DNAH6: variants seen among roughly 807,000 people sequenced by gnomAD.
DNAH6 encodes the protein axonemal beta dynein heavy chain 6.
Under a neutral mutation model 491.4 loss-of-function variants are expected in DNAH6, and 340 were observed. The observed-to-expected ratio is 0.69, with a 90% CI of 0.63 to 0.76. DNAH6 has a LOEUF of 0.76. DNAH6 is among the 30% of genes least tolerant of loss of function. The pLI is 0.00. For synonymous variants in DNAH6, 1,603 were observed against 1,686.1 expected (o/e 0.95, Z 1.21); for missense variants, 4,443 against 4,972.2 (o/e 0.89, Z 3.20).
Position 84,797,634 on chromosome 2 carries a change from T to C in DNAH6, c.11457T>C (p.His3819=). The part of the protein sequence containing the change: ...LIDDPEIFGM[H]ENANLVFQYK... ...ATGACCCAGAAATTTTTGGAATGCA[T>C]GAAAATGCTAATCTAGTCTTCCAGG... The change falls in exon 70 of 77, where the codon CAT becomes CAC. Residue 3819 remains histidine (H), a synonymous_variant. Transcript: ENST00000389394. The C allele has an allele frequency of 1.9e-6, 3 of 1,551,416 alleles. No individual in the cohort carries two copies. Among genetic ancestry groups the C allele is most frequent in the Non-Finnish European group, 1.7e-6 (2 of 1,146,736 alleles).
At chr2:84,619,941 CTTTG>C (rs1296954841) in intron 24 of DNAH6, 37 bp downstream of exon 24, 1 of 1,485,160 alleles carries the variant, frequency 6.7e-7, no homozygotes, top group Non-Finnish European at 9.2e-7. Context: ...TATTGATGAA[CTTTG>C]CTACTCCTCT....
intron 11 of DNAH6, among the ~76,000 whole-genome samples, chr2:84,568,574 G>A (rs1681461727): frequency 6.6e-6 from 1 of 152,126 alleles, no homozygotes; most frequent in African/African-American, 2.4e-5. Flanking sequence ...GGTCTGTGGG[G>A]AGGGAGAACA....
intron 23 of DNAH6, among the ~76,000 whole-genome samples, chr2:84,617,870 T>C (rs578151535): frequency 6.6e-6 from 1 of 152,214 alleles, no homozygotes; most frequent in South Asian, 2.1e-4. Context: ...GCACCTTTAG[T>C]ACATCTCTCT....
At chr2:84,742,066 T>C (rs1323270055) in intron 62 of DNAH6, among the ~76,000 whole-genome samples, 2 of 152,222 alleles carry the variant, frequency 1.3e-5, no homozygotes, top group Non-Finnish European at 2.9e-5. Flanking sequence ...CCAAGCATTC[T>C]CTCCTAGATT....
Position 84,653,825 on chromosome 2 carries a change from C to T in DNAH6, c.5585C>T (p.Ala1862Val), listed in dbSNP as rs976018902. The T allele has an allele frequency of 6.4e-7, 1 of 1,551,256 alleles. No homozygotes were observed. The highest frequency in any genetic ancestry group is 8.7e-7 in the Non-Finnish European group (1 of 1,146,586). Residue 1862 changes from alanine to valine, a missense_variant, in exon 34 of 77, where the codon GCT becomes GTT. Ala to Val is a moderately conservative substitution (Grantham distance 64). Transcript: ENST00000389394. Reference protein sequence around the residue: ...VLDDNKMLCLANSERIKLTPQ... With the variant: ...VLDDNKMLCLVNSERIKLTPQ... The stretch of plus-strand genomic sequence containing the variant: ...GATGATAACAAGATGCTTTGCCTGG[C>T]TAACAGTGAGAGGATTAAACTCACA...
intron 29 of DNAH6, among the ~76,000 whole-genome samples, chr2:84,627,062 C>G (rs547016538): frequency 6.6e-6 from 1 of 152,134 alleles, no homozygotes; most frequent in Admixed American, 6.5e-5. Context: ...ACTTTGAGAC[C>G]GTGGTTCTGA....
At chr2:84,799,366 G>T (rs1428851278) in intron 70 of DNAH6, among the ~76,000 whole-genome samples, 3 of 152,220 alleles carry the variant, frequency 2.0e-5, no homozygotes. Context: ...CAGAATGCCT[G>T]GGCTGGCTCA....
At chr2:84,777,506 T>C in intron 64 of DNAH6, 1 of 729,044 alleles carries the variant, frequency 1.4e-6, no homozygotes, top group Non-Finnish European at 2.6e-6. Context: ...GGGTCCAATG[T>C]CCCAGCCTTT....
At chr2:84,655,758 C>G (rs1479539670) in intron 35 of DNAH6, among the ~76,000 whole-genome samples, 5 of 152,050 alleles carry the variant, frequency 3.3e-5, no homozygotes, top group African/African-American at 1.2e-4. Flanking sequence ...ACTCCCTCAC[C>G]CCCAAACAGT....
intron 64 of DNAH6, among the ~76,000 whole-genome samples, chr2:84,778,802 T>C (rs1365120339): frequency 6.6e-6 from 1 of 152,212 alleles, no homozygotes; most frequent in African/African-American, 2.4e-5. Flanking sequence ...CTGTAAACTT[T>C]TAACACTGCT....
chr2:84,673,559 G>A (rs1274612480), intron 40 of DNAH6, among the ~76,000 whole-genome samples: 1 of 152,170 alleles, frequency 6.6e-6, no homozygotes, highest in African/African-American at 2.4e-5. Context: ...ATAAAAGGGA[G>A]TTTATTAAGT....
At chr2:84,586,177 C>T (rs1236069302) in intron 15 of DNAH6, among the ~76,000 whole-genome samples, 2 of 152,210 alleles carry the variant, frequency 1.3e-5, no homozygotes, top group African/African-American at 2.4e-5. Flanking sequence ...TCTTCCCATG[C>T]CCCCAAGAGC....
At chr2:84,618,520 C>T (rs1423530674) in intron 23 of DNAH6, among the ~76,000 whole-genome samples, 1 of 151,680 alleles carries the variant, frequency 6.6e-6, no homozygotes, top group Non-Finnish European at 1.5e-5. Flanking sequence ...CAATCTAGAG[C>T]ATTCACTAAA....
At chr2:84,672,526 A>G in intron 40 of DNAH6, 42 bp downstream of exon 40, 3 of 1,512,024 alleles carry the variant, frequency 2.0e-6, no homozygotes, top group African/African-American at 1.4e-5. Flanking sequence ...TTAAATTTAA[A>G]TGACAAGGAA....
In DNAH6 at chr2:84,704,175, C is replaced by T. The variant is rs1696207704; in HGVS notation, c.8338C>T (p.Leu2780=). ...AGATCTTGACGAGGCACTACCTGCA[C>T]TAGATGCTGCCAATAAAGCACTGGA... ...QRDLDEALPA[L]DAANKALDSL... Residue 2780 remains leucine (L), a synonymous_variant, in exon 51 of 77, where the codon CTA becomes TTA. Transcript: ENST00000389394. 1 of 1,551,900 alleles carries T rather than the reference C, an allele frequency of 6.4e-7. No individual in the cohort carries two copies. The highest frequency in any genetic ancestry group is 8.7e-7 in the Non-Finnish European group (1 of 1,147,024).
chr2:84,716,063 T>C (rs1697498195), intron 58 of DNAH6, among the ~76,000 whole-genome samples: 1 of 151,960 alleles, frequency 6.6e-6, no homozygotes, highest in Admixed American at 6.6e-5. Flanking sequence ...TGTATTTAAC[T>C]GTCCACTTCA....
At chr2:84,684,727 GGTCCCTGTGGAGAA>G (rs1694119598) in intron 42 of DNAH6, among the ~76,000 whole-genome samples, 1 of 152,158 alleles carries the variant, frequency 6.6e-6, no homozygotes, top group Non-Finnish European at 1.5e-5. Context: ...CCATATTGGT[GGTCCCTGTGGAGAA>G]GTACCATTTC....
At chr2:84,607,464 T>C (rs887959000) in intron 21 of DNAH6, among the ~76,000 whole-genome samples, 1 of 151,976 alleles carries the variant, frequency 6.6e-6, no homozygotes. Flanking sequence ...ATAGACATAA[T>C]AGACACTGGA....
At chr2:84,799,768 G>T (rs1334858246) in intron 70 of DNAH6, among the ~76,000 whole-genome samples, 3 of 152,198 alleles carry the variant, frequency 2.0e-5, no homozygotes, top group African/African-American at 7.2e-5. Context: ...AGGAAATGGG[G>T]GTGTGATGCC....
Sources: gnomAD v4.1 joint callset for allele counts (sites outside exome capture counted in the v4.1 genomes callset) on GRCh38, gnomAD v4.1.1 for gene constraint, MANE v1.5 for transcripts, NCBI Gene and HGNC (gene_info 2026-07-23, HGNC 2026-07-21) for gene names.